Variants in ABCC1 observed in about 807,000 individuals in gnomAD.
ABCC1 encodes the protein ATP binding cassette subfamily C member 1 (ABCC1 blood group), also known as multidrug resistance-associated protein 1.
Under a neutral mutation model 172.9 loss-of-function variants are expected in ABCC1, and 83 were observed. The observed-to-expected ratio is 0.48, with a 90% confidence interval of 0.40 to 0.58. The LOEUF is 0.58. Among genes scored for constraint, ABCC1 ranks in the 20% least tolerant of loss-of-function variants. The pLI is 0.00. For synonymous variants in ABCC1, 937 were observed against 825.2 expected (o/e 1.14, Z -2.32); for missense variants, 1,817 against 2,002.7 (o/e 0.91, Z 1.77).
At chr16:16,132,365 G>GGTCC (rs2045718013) in intron 27 of ABCC1, among the ~76,000 whole-genome samples, 2 of 150,802 alleles carry the variant, frequency 1.3e-5, no homozygotes, top group South Asian at 4.2e-4. Context: ...TAGAGATGGG[G>GGTCC]GTCCTACTAT....
rs766054868 is a variant in ABCC1 at position 15,999,836 on chromosome 16, C to CTTTCTTTCTTTCTT, written c.49-7979_49-7978insTTCTTTCTTTCTTT. 2.4e-3 allele frequency among the ~76,000 whole-genome samples: 40 copies of CTTTCTTTCTTTCTT among 16,834 alleles called. 1 individual carries two copies. Among genetic ancestry groups the CTTTCTTTCTTTCTT allele is most frequent in the African/African-American group, 8.5e-3 (40 of 4,684 alleles). 11.0% of individuals were successfully genotyped at this position (16,834 alleles called of 152,430 possible). ...TCTCTCTCTCTCTCTCTCTCTCTGT[C>CTTTCTTTCTTTCTT]TCTTTCTTTCTTTCTTTCTTTCTTT... On this transcript the variant is annotated intron_variant, in intron 1 of 30. Transcript: ENST00000399410.
Position 16,123,493 on chromosome 16 carries a change from C to T in ABCC1, c.3591-1296C>T, listed in dbSNP as rs531251797. ...ATATTAAAAATACAAAAAAATTAGCCGGGCATGATGGTGGGTGCCTGTACT... is the reference window on the plus strand; with the variant it reads ...ATATTAAAAATACAAAAAAATTAGCTGGGCATGATGGTGGGTGCCTGTACT... On this transcript the variant is annotated intron_variant, in intron 24 of 30. Coordinates refer to ENST00000399410, the MANE Select transcript of ABCC1 (RefSeq NM_004996.4). Among the ~76,000 whole-genome samples the T allele has an allele frequency of 1.5e-4, 22 of 151,658 alleles. No individual in the cohort carries two copies. The South Asian group carries it at 2.3e-3, about 16-fold the overall frequency.
At chr16:16,069,152 T>A (rs35608) in intron 13 of ABCC1, among the ~76,000 whole-genome samples, 88,920 of 141,404 alleles carry the variant, frequency 0.63, 28,250 homozygotes, top group East Asian at 0.71. Flanking sequence ...TAAAAAAAAA[T>A]AAAATAAAAT....
At chr16:15,953,921 A>G (rs1161218277) in intron 1 of ABCC1, among the ~76,000 whole-genome samples, 1 of 150,152 alleles carries the variant, frequency 6.7e-6, no homozygotes, top group Non-Finnish European at 1.5e-5. Flanking sequence ...CGACGAGCCA[A>G]TTTTTCCCCT....
intron 1 of ABCC1, among the ~76,000 whole-genome samples, chr16:15,951,388 T>G (rs2045868821): frequency 6.6e-6 from 1 of 152,158 alleles, no homozygotes; most frequent in Admixed American, 6.5e-5. Context: ...GTTGTAATAT[T>G]TTTTAAAATT....
At chr16:15,965,723 A>C (rs1300762068) in intron 1 of ABCC1, among the ~76,000 whole-genome samples, 1 of 151,974 alleles carries the variant, frequency 6.6e-6, no homozygotes, top group African/African-American at 2.4e-5. Context: ...CAGCCGCTGG[A>C]GTAGCTGGGA....
intron 18 of ABCC1, 21 bp downstream of exon 18, chr16:16,087,012 G>C (rs763526759): frequency 6.2e-7 from 1 of 1,613,684 alleles, no homozygotes. Context: ...GCGGGGTGGG[G>C]CTTGGTGTTG....
At chr16:16,100,434 C>G (rs1024706091) in intron 19 of ABCC1, among the ~76,000 whole-genome samples, 5 of 152,248 alleles carry the variant, frequency 3.3e-5, no homozygotes, top group Non-Finnish European at 5.9e-5. Flanking sequence ...ATTCTCATCC[C>G]TGCACAGAGA....
intron 26 of ABCC1, among the ~76,000 whole-genome samples, chr16:16,126,344 GATT>G: frequency 6.6e-6 from 1 of 152,228 alleles, no homozygotes; most frequent in Middle Eastern, 3.4e-3. Flanking sequence ...CAACAGGACG[GATT>G]CTGTCTATCA....
chr16:16,045,634 G>A (rs1325949524), intron 8 of ABCC1, among the ~76,000 whole-genome samples: 1 of 152,068 alleles, frequency 6.6e-6, no homozygotes, highest in Non-Finnish European at 1.5e-5. Flanking sequence ...ACAACCCCAA[G>A]GCAGAGGCCT....
intron 24 of ABCC1, among the ~76,000 whole-genome samples, chr16:16,122,745 A>G (rs1469579194): frequency 6.7e-6 from 1 of 148,884 alleles, no homozygotes; most frequent in Non-Finnish European, 1.5e-5. Context: ...GTAGCCCATC[A>G]TGGTGGTGTG....
chr16:16,128,223 C>G (rs963795646), intron 26 of ABCC1, among the ~76,000 whole-genome samples: 2 of 147,738 alleles, frequency 1.4e-5, no homozygotes, highest in South Asian at 4.3e-4. Flanking sequence ...CTCGCTCCAG[C>G]CTGGAGTGCA....
rs1198050880 is a variant in ABCC1, at chr16:16,111,414, G to A, written c.2911G>A (p.Gly971Arg). ...SVYWDYMKAI[G>R]LFISFLSIFL... ...GTACTGGGACTACATGAAGGCCATCGGACTCTTCATCTCCTTCCTCAGCAT... is the reference window on the plus strand; with the variant it reads ...GTACTGGGACTACATGAAGGCCATCAGACTCTTCATCTCCTTCCTCAGCAT... Residue 971 changes from glycine to arginine, a missense_variant, in exon 22 of 31, where the codon GGA becomes AGA. Transcript: ENST00000399410. 5.6e-6 allele frequency: 9 copies of A among 1,613,958 alleles called. No homozygotes were observed. The highest frequency in any genetic ancestry group is 1.3e-5 in the African/African-American group (1 of 74,892).
intron 23 of ABCC1, among the ~76,000 whole-genome samples, chr16:16,117,644 G>A (rs1025784168): frequency 6.6e-6 from 1 of 152,200 alleles, no homozygotes; most frequent in Non-Finnish European, 1.5e-5. Context: ...GGTGGCTCAC[G>A]CCTGTAACCC....
At chr16:15,976,233 C>T (rs1468651811) in intron 1 of ABCC1, among the ~76,000 whole-genome samples, 1 of 152,182 alleles carries the variant, frequency 6.6e-6, no homozygotes, top group Non-Finnish European at 1.5e-5. Flanking sequence ...CACTACTGCA[C>T]TCCAGCCTGG....
intron 14 of ABCC1, among the ~76,000 whole-genome samples, chr16:16,075,408 T>G (rs1328997927): frequency 6.6e-6 from 1 of 151,750 alleles, no homozygotes; most frequent in Admixed American, 6.6e-5. Flanking sequence ...GCAGATCACT[T>G]GAGGCCAAGA....
chr16:16,096,369 G>A (rs888767179), intron 19 of ABCC1, among the ~76,000 whole-genome samples: 3 of 152,066 alleles, frequency 2.0e-5, no homozygotes, highest in African/African-American at 4.8e-5. Flanking sequence ...ACAAGATTGA[G>A]AGTATATCTT....
chr16:15,996,683 T>C (rs1261364743), intron 1 of ABCC1, among the ~76,000 whole-genome samples: 2 of 152,150 alleles, frequency 1.3e-5, no homozygotes, highest in Non-Finnish European at 2.9e-5. Flanking sequence ...GTGGAGCATC[T>C]GTGCAGAACC....
chr16:16,070,829 T>A (rs2050317550), intron 13 of ABCC1, among the ~76,000 whole-genome samples: 1 of 152,200 alleles, frequency 6.6e-6, no homozygotes, highest in Non-Finnish European at 1.5e-5. Context: ...TTAAAGCAAA[T>A]CTCAGACCCC....
Sources: allele counts gnomAD v4.1 joint callset (sites outside exome capture counted in the v4.1 genomes callset), GRCh38; gene constraint gnomAD v4.1.1; transcripts MANE v1.5; gene names NCBI Gene and HGNC (gene_info 2026-07-23, HGNC 2026-07-21).